The following SCOC variants were observed in gnomAD, a reference collection of about 807,000 sequenced individuals.
The protein encoded by SCOC is short coiled coil protein.
Under a neutral mutation model 9.9 loss-of-function variants are expected in SCOC, and 7 were observed. The ratio of observed to expected loss-of-function variants is 0.71; its 90% confidence interval spans 0.40 to 1.33. The LOEUF is 1.33. Among genes scored for constraint, SCOC ranks in the 40% most tolerant of loss-of-function variants. The pLI, the probability that SCOC is intolerant of heterozygous loss-of-function variation, is 0.01. For missense variants in SCOC, 66 were observed against 89.7 expected (o/e 0.74, Z 1.07); for synonymous variants, 19 against 28.2 (o/e 0.67, Z 1.03).
intron 1 of SCOC, among the ~76,000 whole-genome samples, chr4:140,262,968 C>T (rs1200589023): frequency 6.6e-6 from 1 of 152,184 alleles, no homozygotes; most frequent in African/African-American, 2.4e-5. Flanking sequence ...CAGGCCCCCC[C>T]TCCAACCCTG....
At chr4:140,303,998 T>C (rs1390213431) in intron 1 of SCOC, among the ~76,000 whole-genome samples, 1 of 152,234 alleles carries the variant, frequency 6.6e-6, no homozygotes, top group East Asian at 1.9e-4. Context: ...TCAAAGTTGA[T>C]TAAGACATGC....
At chr4:140,348,466 G>A (rs998551046) in intron 2 of SCOC, among the ~76,000 whole-genome samples, 1 of 151,944 alleles carries the variant, frequency 6.6e-6, no homozygotes, top group African/African-American at 2.4e-5. Context: ...TGTTACAAAT[G>A]GCAAGATTTC....
chr4:140,369,959 A>G (rs1727980200), upstream of SCOC, among the ~76,000 whole-genome samples: 1 of 125,452 alleles, frequency 8.0e-6, no homozygotes, highest in South Asian at 2.8e-4. Context: ...GCTCACTACA[A>G]CCTCCACCTC....
intron 1 of SCOC, 48 bp downstream of exon 1, chr4:140,373,765 G>A (rs964493293): frequency 1.3e-6 from 2 of 1,517,836 alleles, no homozygotes; most frequent in African/African-American, 1.4e-5. Flanking sequence ...GGCGACTAGA[G>A]CTGCATCCTC....
At chr4:140,323,457 T>C (rs1031194067) in intron 1 of SCOC, among the ~76,000 whole-genome samples, 3 of 152,186 alleles carry the variant, frequency 2.0e-5, no homozygotes, top group African/African-American at 7.2e-5. Context: ...ACACTGATTC[T>C]TAGATAAAGT....
chr4:140,278,803 G>A (rs771659448), intron 1 of SCOC, among the ~76,000 whole-genome samples: 19 of 152,164 alleles, frequency 1.2e-4, no homozygotes, highest in African/African-American at 3.4e-4. Context: ...CCATACCTCC[G>A]GCCCAAATGA....
intron 1 of SCOC, among the ~76,000 whole-genome samples, chr4:140,291,945 C>T (rs1395101159): frequency 6.6e-6 from 1 of 152,140 alleles, no homozygotes; most frequent in African/African-American, 2.4e-5. Flanking sequence ...TGTCATTCTA[C>T]CTATGGATCC....
chr4:140,382,543 T>C lies in SCOC; in HGVS notation c.*1439T>C, dbSNP rs1349199494. 1 of 152,658 alleles carries C rather than the reference T, an allele frequency of 6.6e-6. No individual in the cohort carries two copies. Among genetic ancestry groups the C allele is most frequent in the Non-Finnish European group, 1.5e-5 (1 of 68,036 alleles). 9.5% of individuals were successfully genotyped at this position (152,658 alleles called of 1,614,324 possible). On this transcript the variant is annotated 3_prime_UTR_variant, in exon 4 of 4. Transcript: ENST00000608372. ...TCTGCTTTGCCGTTTAATAAAAAGC[T>C]ATTTCAGAGGTTGTGTGTGTTTTGA...
intron 1 of SCOC, among the ~76,000 whole-genome samples, chr4:140,290,286 T>G (rs1731432857): frequency 6.6e-6 from 1 of 152,220 alleles, no homozygotes; most frequent in African/African-American, 2.4e-5. Flanking sequence ...GGGTAAAATC[T>G]CAGACCCTTC....
chr4:140,370,451 G>A (rs2668585), upstream of SCOC, among the ~76,000 whole-genome samples: 121,535 of 152,146 alleles, frequency 0.8, 49,070 homozygotes, highest in Non-Finnish European at 0.87. Flanking sequence ...AATCACCTTC[G>A]TAACTTTCAA....
chr4:140,300,985 A>C (rs551266969), intron 1 of SCOC, among the ~76,000 whole-genome samples: 161 of 152,188 alleles, frequency 1.1e-3, no homozygotes, highest in Non-Finnish European at 1.9e-3. Context: ...TCTTCTTAAC[A>C]TGCCTCAAAA....
intron 2 of SCOC, among the ~76,000 whole-genome samples, chr4:140,368,640 A>C (rs1250028453): frequency 6.6e-6 from 1 of 152,188 alleles, no homozygotes; most frequent in Non-Finnish European, 1.5e-5. Context: ...TGACTTTGAG[A>C]GCTTCAGTAT....
chr4:140,315,986 T>A (rs1363723471), intron 1 of SCOC, among the ~76,000 whole-genome samples: 1 of 152,028 alleles, frequency 6.6e-6, no homozygotes, highest in Non-Finnish European at 1.5e-5. Context: ...CATCACCAGG[T>A]CTCTAGCTGT....
chr4:140,280,003 T>C (rs746629444), intron 1 of SCOC, among the ~76,000 whole-genome samples: 6 of 152,226 alleles, frequency 3.9e-5, no homozygotes, highest in Non-Finnish European at 8.8e-5. Flanking sequence ...AGGTTTTTTA[T>C]TTCCCTTTAA....
At position 140,379,617 on chromosome 4, in the gene SCOC, T is replaced by A; in HGVS notation, c.71T>A (p.Ile24Asn). 6.2e-7 allele frequency: 1 copy of A among 1,612,918 alleles called. No individual in the cohort carries two copies. Among genetic ancestry groups the A allele is most frequent in the Non-Finnish European group, 8.5e-7 (1 of 1,179,652 alleles). The change falls in exon 3 of 4, where the codon ATT (isoleucine) becomes AAT (asparagine). Residue 24 changes from isoleucine (I) to asparagine (N), a missense_variant. Coordinates refer to ENST00000608372, the MANE Select transcript of SCOC (RefSeq NM_001153484.2). Reference protein sequence around the residue: ...QVELEEKTRLINQVLELQHTL... With the variant: ...QVELEEKTRLNNQVLELQHTL... ...GAACTGGAGGAAAAAACAAGACTTATTAATCAAGTGTTGGAACTCCAACAC... is the reference window on the plus strand; with the variant it reads ...GAACTGGAGGAAAAAACAAGACTTAATAATCAAGTGTTGGAACTCCAACAC...
intron 1 of SCOC, among the ~76,000 whole-genome samples, chr4:140,263,091 G>T (rs1055880898): frequency 3.3e-5 from 5 of 152,108 alleles, no homozygotes; most frequent in African/African-American, 1.2e-4. Flanking sequence ...TTAGGCACAG[G>T]CAAATTAAAA....
At position 140,381,567 on chromosome 4, in the gene SCOC, A is replaced by G. The variant is rs1234361807; in HGVS notation, c.*463A>G. The G allele has an allele frequency of 6.6e-6, 1 of 152,482 alleles. No homozygotes were observed. Among genetic ancestry groups the G allele is most frequent in the Non-Finnish European group, 1.5e-5 (1 of 68,154 alleles). 9.4% of individuals were successfully genotyped at this position (152,482 alleles called of 1,614,324 possible). A position where few individuals can be genotyped will look rare whatever the true frequency, so the allele number is the denominator to read the frequency against. ...CGCTAAGGAAAAAAATTGGTGTCAC[A>G]TTTGTAAAAGTAATTTTAATAGTTA... On this transcript the variant is annotated 3_prime_UTR_variant, in exon 4 of 4. Coordinates refer to ENST00000608372, the MANE Select transcript of SCOC (RefSeq NM_001153484.2).
At chr4:140,301,398 G>A (rs868389132) in intron 1 of SCOC, among the ~76,000 whole-genome samples, 2 of 149,676 alleles carry the variant, frequency 1.3e-5, no homozygotes, top group Non-Finnish European at 3.0e-5. Flanking sequence ...ATATTCATAA[G>A]ATGTACAAAT....
intron 1 of SCOC, among the ~76,000 whole-genome samples, chr4:140,322,353 C>G (rs984125145): frequency 1.3e-5 from 2 of 152,016 alleles, no homozygotes; most frequent in African/African-American, 4.8e-5. Context: ...TGAAGAAGAA[C>G]AGAGGTGTAG....
Sources: gnomAD v4.1 joint callset for allele counts (sites outside exome capture counted in the v4.1 genomes callset) on GRCh38, gnomAD v4.1.1 for gene constraint, MANE v1.5 for transcripts, NCBI Gene and HGNC (gene_info 2026-07-23, HGNC 2026-07-21) for gene names.